PDE4A: variants seen among roughly 807,000 people sequenced by gnomAD.
The protein encoded by PDE4A is 3',5'-cyclic-AMP phosphodiesterase 4A.
A neutral mutation model predicts 73.9 loss-of-function variants in PDE4A; 21 were observed. The observed-to-expected ratio is 0.28, with a 90% CI of 0.20 to 0.41. The LOEUF is 0.41. PDE4A is among the 10% of genes least tolerant of loss of function. The pLI is 1.00. For synonymous variants in PDE4A, 463 were observed against 505.4 expected (o/e 0.92, Z 1.13); for missense variants, 958 against 1,211.4 (o/e 0.79, Z 3.10).
At chr19:10,432,640 G>A (rs984133834) in intron 1 of PDE4A, 5 of 1,424,774 alleles carry the variant, frequency 3.5e-6, no homozygotes, top group Middle Eastern at 4.3e-4. Flanking sequence ...TGGGGGGGTG[G>A]GGGTGCTGAG....
chr19:10,453,104 G>C lies in PDE4A; in HGVS notation c.784-1725G>C, dbSNP rs2043118501. On this transcript the variant is annotated intron_variant, in intron 6 of 14. Transcript: ENST00000380702. The surrounding 1 kb of genome is among the most constrained non-coding windows in gnomAD (Gnocchi z 4.6). ...GGGCTGCTGCTGGGAGCGCGGAGGG[G>C]AAGGGAGCCCCCAGCCCTGCTGGGC... is the stretch of plus-strand genomic sequence containing the variant. 3 of 1,359,556 alleles carry C rather than the reference G, an allele frequency of 2.2e-6. No individual in the cohort carries two copies. The highest frequency in any genetic ancestry group is 1.9e-6 in the Non-Finnish European group (2 of 1,058,396). 84.2% of individuals were successfully genotyped at this position (1,359,556 alleles called of 1,614,324 possible). A position where few individuals can be genotyped will look rare whatever the true frequency, so the allele number is the denominator to read the frequency against.
Position 10,447,417 on chromosome 19 carries a change from G to A in PDE4A, c.512+1008G>A, listed in dbSNP as rs1369378593. Among the ~76,000 whole-genome samples the A allele has an allele frequency of 4.7e-5, 7 of 147,650 alleles. No homozygotes were observed. The Admixed American group carries it at 4.8e-4, about 10-fold the overall frequency. ...ATTTTTTCTATTTTTAGTAGAGACG[G>A]GGTTTCACCTTGTTAGCCAGGATGG... is the stretch of plus-strand genomic sequence containing the variant. On this transcript the variant is annotated intron_variant, in intron 2 of 14. Transcript: ENST00000380702.
chr19:10,464,076 CA>C, intron 14 of PDE4A, 101 bp downstream of exon 14: 2 of 1,446,100 alleles, frequency 1.4e-6, no homozygotes, highest in Non-Finnish European at 1.9e-6. Flanking sequence ...TGCCTTTCCA[CA>C]ATGCCAAGTT....
chr19:10,448,725 CCTT>C (rs2043048109), intron 2 of PDE4A, 189 bp from the exon 3 acceptor site: 1 of 729,896 alleles, frequency 1.4e-6, no homozygotes, highest in Admixed American at 6.3e-5. Context: ...GAGCCACACT[CCTT>C]GACTGCCATT....
intron 1 of PDE4A, among the ~76,000 whole-genome samples, chr19:10,433,176 C>T (rs935778401): frequency 2.1e-4 from 32 of 152,056 alleles, no homozygotes; most frequent in African/African-American, 6.8e-4. Context: ...CACACAGGGC[C>T]GCACACAGGG....
chr19:10,463,795 C>T lies in PDE4A; in HGVS notation c.1746C>T (p.Val582=), dbSNP rs1463900653. 1 of 1,614,068 alleles carries T rather than the reference C, an allele frequency of 6.2e-7. No homozygotes were observed. The highest frequency in any genetic ancestry group is 1.1e-5 in the South Asian group (1 of 91,082). The change falls in exon 14 of 15, where the codon GTC becomes GTT. Residue 582 remains valine (V), a splice_region_variant and synonymous_variant. Transcript: ENST00000380702. ...LLDNYSDRIQ[V]LRNMVHCADL... ...CCCTGTGCCCCAACCCCATGCAGGT[C>T]CTCCGGAACATGGTGCACTGTGCCG...
intron 7 of PDE4A, 52 bp downstream of exon 7, chr19:10,454,974 G>T (rs768104484): frequency 5.1e-6 from 8 of 1,572,538 alleles, no homozygotes; most frequent in Non-Finnish European, 6.1e-6. Flanking sequence ...GGGGTAGAGA[G>T]GGGGCTGCCC....
upstream of PDE4A, chr19:10,417,075 G>T: frequency 6.7e-7 from 1 of 1,491,182 alleles, no homozygotes; most frequent in Non-Finnish European, 8.9e-7. Flanking sequence ...GCTATTTCCT[G>T]AACGTGGCTT....
At chr19:10,449,048 A>G (rs200643020) in intron 3 of PDE4A, 32 bp from the exon 4 acceptor site, 134 of 1,612,118 alleles carry the variant, frequency 8.3e-5, no homozygotes, top group Admixed American at 4.0e-4. Context: ...CTCTAGGGGA[A>G]CCCCACTCCT....
intron 6 of PDE4A, among the ~76,000 whole-genome samples, chr19:10,452,244 C>A (rs1179078033): frequency 6.6e-6 from 1 of 151,704 alleles, no homozygotes; most frequent in Non-Finnish European, 1.5e-5. Context: ...GTTCGAGCAG[C>A]CTGACCAGCA....
At position 10,420,570 on chromosome 19, in the gene PDE4A, C is replaced by A. The variant is rs1352774700; in HGVS notation, c.-195C>A. On this transcript the variant is annotated 5_prime_UTR_variant, in exon 1 of 15. Transcript: ENST00000380702. The surrounding 1 kb of genome is among the most constrained non-coding windows in gnomAD (Gnocchi z 6.0). ...GCCGGGCACTGAGCAGAGCTCCAGG[C>A]GCCGAAAGGAAGCTGCAGAGCCCGG... 4 of 1,246,872 alleles carry A rather than the reference C, an allele frequency of 3.2e-6. No homozygotes were observed. Among genetic ancestry groups the A allele is most frequent in the Non-Finnish European group, 3.0e-6 (3 of 996,484 alleles). The allele number at this position is 1,246,872 out of a possible 1,614,324, so 77.2% of individuals were successfully genotyped here. A position where few individuals can be genotyped will look rare whatever the true frequency, so the allele number is the denominator to read the frequency against.
intron 1 of PDE4A, among the ~76,000 whole-genome samples, chr19:10,431,921 G>C (rs2042793753): frequency 6.6e-6 from 1 of 150,574 alleles, no homozygotes; most frequent in Non-Finnish European, 1.5e-5. Context: ...TGTCTCTTCT[G>C]TCTCTGTTTT....
chr19:10,463,287 G>A (rs1297430876), intron 13 of PDE4A, among the ~76,000 whole-genome samples: 1 of 150,824 alleles, frequency 6.6e-6, no homozygotes, highest in African/African-American at 2.4e-5. Context: ...ATGGGGTTTC[G>A]CCATCTTGGC....
At position 10,450,976 on chromosome 19, in the gene PDE4A, C is replaced by T. The variant is rs991952024; in HGVS notation, c.783+35C>T. 3 of 1,544,114 alleles carry T rather than the reference C, an allele frequency of 1.9e-6. No individual in the cohort carries two copies. In the South Asian group the frequency reaches 3.6e-5, roughly 18 times the overall value. On this transcript the variant is annotated intron_variant, in intron 6 of 14. Transcript: ENST00000380702. Reference sequence around the variant, plus strand: ...TGGTGGGCAGAACCCCTGGGCGGGGCAGGCGGGGGCGGGGCCAGTGGGTAG... The same window carrying T: ...TGGTGGGCAGAACCCCTGGGCGGGGTAGGCGGGGGCGGGGCCAGTGGGTAG...
rs1249046354 is a variant in PDE4A, at chr19:10,468,332, GGTATGGAA to G, written c.*713_*720del. ...GCTGTTCACTTTAGGATACGGGGGT[GGTATGGAA>G]GGGAGCGTTCACACCGCCAGCCTCG... On this transcript the variant is annotated 3_prime_UTR_variant, in exon 15 of 15. Coordinates refer to ENST00000380702, the MANE Select transcript of PDE4A (RefSeq NM_001111307.2). The G allele has an allele frequency of 6.6e-6, 1 of 152,512 alleles. No homozygotes were observed. Among genetic ancestry groups the G allele is most frequent in the East Asian group, 1.9e-4 (1 of 5,304 alleles). The allele number at this position is 152,512 out of a possible 1,614,324, so 9.4% of individuals were successfully genotyped here.
intron 7 of PDE4A, 80 bp downstream of exon 7, chr19:10,455,002 T>TG (rs1321416749): frequency 1.3e-5 from 17 of 1,334,658 alleles, no homozygotes; most frequent in Non-Finnish European, 1.3e-5. Context: ...TGGGTCCTGT[T>TG]GCTCACATCT....
intron 14 of PDE4A, among the ~76,000 whole-genome samples, chr19:10,465,447 C>T (rs868340438): frequency 8.6e-5 from 13 of 150,316 alleles, no homozygotes; most frequent in Non-Finnish European, 1.5e-4. Context: ...CTCGAACTCC[C>T]GACCTCAGGT....
intron 1 of PDE4A, among the ~76,000 whole-genome samples, chr19:10,439,907 GA>G (rs1291354533): frequency 7.9e-5 from 12 of 151,960 alleles, no homozygotes; most frequent in African/African-American, 2.7e-4. Flanking sequence ...GCATGCAGGG[GA>G]TGGAGGAACC....
intron 1 of PDE4A, among the ~76,000 whole-genome samples, chr19:10,445,018 G>A (rs980357850): frequency 2.6e-5 from 4 of 152,156 alleles, no homozygotes; most frequent in African/African-American, 4.8e-5. Flanking sequence ...CATTGTGGCT[G>A]GAGCAGAATG....
Sources: gnomAD v4.1 joint callset for allele counts (sites outside exome capture counted in the v4.1 genomes callset) on GRCh38, gnomAD v4.1.1 for gene constraint, Gnocchi (gnomAD v3.1) non-coding constraint, MANE v1.5 for transcripts, NCBI Gene and HGNC (gene_info 2026-07-23, HGNC 2026-07-21) for gene names.